The following SDK1 variants were observed in gnomAD, a reference collection of about 807,000 sequenced individuals.
SDK1 encodes the protein sidekick cell adhesion molecule 1, also known as protein sidekick-1.
Under a neutral mutation model 245.5 loss-of-function variants are expected in SDK1, and 157 were observed. The ratio of observed to expected loss-of-function variants is 0.64; its 90% CI spans 0.56 to 0.73. SDK1 has a LOEUF of 0.73. SDK1 is among the 30% of genes least tolerant of loss of function. SDK1 has a pLI of 0.00. For missense variants in SDK1, 3,583 were observed against 3,002.3 expected, an observed-to-expected ratio of 1.19 and a Z score of -4.52; for synonymous variants, 1,647 against 1,278.5, an observed-to-expected ratio of 1.29 and a Z score of -6.15.
At position 3,529,969 on chromosome 7, in the gene SDK1, A is replaced by G. The variant is rs189838730; in HGVS notation, c.299-89111A>G. On this transcript the variant is annotated intron_variant, in intron 1 of 44. Coordinates refer to ENST00000404826, the MANE Select transcript of SDK1 (RefSeq NM_152744.4). ...AGAGGGACAGGCCTGAACTCTTACT[A>G]TTATGTGATAAGTACCTTTGTGGAT... 5.9e-4 allele frequency among the ~76,000 whole-genome samples: 90 copies of G among 152,294 alleles called. No homozygotes were observed. The East Asian group carries it at 7.0e-3, about 12-fold the overall frequency.
chr7:3,880,339 G>A (rs979052844), intron 5 of SDK1, among the ~76,000 whole-genome samples: 3 of 152,184 alleles, frequency 2.0e-5, no homozygotes, highest in Admixed American at 6.5e-5. Context: ...AGCTGCAGCA[G>A]GTCAACAGGT....
At chr7:3,380,561 A>G (rs1444095722) in intron 1 of SDK1, among the ~76,000 whole-genome samples, 1 of 152,242 alleles carries the variant, frequency 6.6e-6, no homozygotes, top group Non-Finnish European at 1.5e-5. Flanking sequence ...GATTGTATTA[A>G]GCTGCAAGTA....
chr7:3,982,790 A>G (rs1783516072), intron 13 of SDK1, among the ~76,000 whole-genome samples: 2 of 151,986 alleles, frequency 1.3e-5, no homozygotes, highest in Non-Finnish European at 2.9e-5. Flanking sequence ...CAGTGAGCTG[A>G]GATCGTGCCA....
intron 1 of SDK1, among the ~76,000 whole-genome samples, chr7:3,427,764 G>A (rs979805187): frequency 2.6e-5 from 4 of 152,048 alleles, no homozygotes; most frequent in Admixed American, 1.3e-4. Context: ...CCTCTGGGAC[G>A]TCTTTATTCT....
chr7:3,955,893 C>T (rs1223656969), intron 7 of SDK1, among the ~76,000 whole-genome samples: 1 of 152,108 alleles, frequency 6.6e-6, no homozygotes, highest in East Asian at 1.9e-4. Context: ...GGGAGGTCTC[C>T]CCACCTCCTC....
intron 5 of SDK1, among the ~76,000 whole-genome samples, chr7:3,858,543 A>G (rs1375179941): frequency 1.3e-5 from 2 of 152,152 alleles, no homozygotes; most frequent in African/African-American, 2.4e-5. Flanking sequence ...AAAATTTTCA[A>G]AAGGGTATTT....
intron 1 of SDK1, among the ~76,000 whole-genome samples, chr7:3,303,577 T>TACGG (rs1554255341): frequency 6.6e-6 from 1 of 151,662 alleles, no homozygotes; most frequent in Non-Finnish European, 1.5e-5. Context: ...CGAACTTTGT[T>TACGG]AGGAATATTT....
intron 44 of SDK1, among the ~76,000 whole-genome samples, chr7:4,259,846 C>T (rs747576166): frequency 4.6e-5 from 7 of 152,178 alleles, no homozygotes; most frequent in Non-Finnish European, 7.3e-5. Flanking sequence ...ACAGGATCTG[C>T]GGAGGTGGGT....
intron 1 of SDK1, among the ~76,000 whole-genome samples, chr7:3,435,875 CAGTGATCATTTGTT>C (rs1197364533): frequency 2.6e-5 from 4 of 152,184 alleles, no homozygotes; most frequent in Non-Finnish European, 4.4e-5. Flanking sequence ...CTAACCTCTC[CAGTGATCATTTGTT>C]AACAAGATTG....
intron 4 of SDK1, among the ~76,000 whole-genome samples, chr7:3,651,842 A>T (rs1783023084): frequency 6.6e-6 from 1 of 152,206 alleles, no homozygotes; most frequent in Non-Finnish European, 1.5e-5. Flanking sequence ...AATAGAGAAC[A>T]GAGGGGAATG....
chr7:3,620,830 T>C (rs1480340829), intron 2 of SDK1, among the ~76,000 whole-genome samples: 4 of 151,996 alleles, frequency 2.6e-5, no homozygotes, highest in Admixed American at 2.6e-4. Context: ...CCATTCCCAT[T>C]ACCCACCCAC....
At chr7:3,342,253 A>T (rs916128022) in intron 1 of SDK1, among the ~76,000 whole-genome samples, 1 of 152,208 alleles carries the variant, frequency 6.6e-6, no homozygotes, top group African/African-American at 2.4e-5. Context: ...CTCAAAATAG[A>T]TTATGGACAT....
At chr7:3,936,227 T>C (rs1187793740) in intron 5 of SDK1, among the ~76,000 whole-genome samples, 4 of 151,938 alleles carry the variant, frequency 2.6e-5, no homozygotes, top group Non-Finnish European at 4.4e-5. Flanking sequence ...TGCCAGGGGC[T>C]GGGGAGGAGG....
Position 3,644,797 on chromosome 7 carries a change from A to AAAAAAAAAAAC in SDK1, c.713+2694_713+2695insAAAAAAAACAA, listed in dbSNP as rs1554301839. ...CCAAAAAAAAAAAAAAAAAAACAAA[A>AAAAAAAAAAAC]AACAACAACAACGGCGGGGCAGGGG... is the stretch of plus-strand genomic sequence containing the variant. On this transcript the variant is annotated intron_variant, in intron 4 of 44. Transcript: ENST00000404826. Among the ~76,000 whole-genome samples, 24 of 131,552 alleles carry AAAAAAAAAAAC rather than the reference A, an allele frequency of 1.8e-4. 1 individual carries two copies. The highest frequency in any genetic ancestry group is 2.7e-4 in the South Asian group (1 of 3,654). 86.3% of individuals were successfully genotyped at this position (131,552 alleles called of 152,430 possible). A position where few individuals can be genotyped will look rare whatever the true frequency, so the allele number is the denominator to read the frequency against.
chr7:4,198,776 G>A (rs908583058), intron 35 of SDK1, among the ~76,000 whole-genome samples: 3 of 151,552 alleles, frequency 2.0e-5, no homozygotes, highest in East Asian at 1.9e-4. Flanking sequence ...TTAACCCCTC[G>A]AAGCCTCAGC....
chr7:3,472,700 T>C (rs1781221546), intron 1 of SDK1, among the ~76,000 whole-genome samples: 1 of 152,164 alleles, frequency 6.6e-6, no homozygotes, highest in African/African-American at 2.4e-5. Context: ...CTTTCAAAAT[T>C]TAGAACTTTA....
intron 5 of SDK1, among the ~76,000 whole-genome samples, chr7:3,833,402 A>C (rs1779957477): frequency 6.6e-6 from 1 of 152,188 alleles, no homozygotes; most frequent in Admixed American, 6.5e-5. Context: ...CTATTAATTC[A>C]GACAGGGTTG....
At chr7:4,039,909 C>T (rs1583910350) in intron 17 of SDK1, among the ~76,000 whole-genome samples, 1 of 136,560 alleles carries the variant, frequency 7.3e-6, no homozygotes, top group South Asian at 2.3e-4. Context: ...TAATTATAAA[C>T]ATAATCATAC....
At chr7:4,069,426 C>T (rs2128173874) in intron 20 of SDK1, among the ~76,000 whole-genome samples, 1 of 152,350 alleles carries the variant, frequency 6.6e-6, no homozygotes, top group South Asian at 2.1e-4. Flanking sequence ...ATCTCATGTC[C>T]CGGCAGGGGC....
Sources: gnomAD v4.1 joint callset for allele counts (sites outside exome capture counted in the v4.1 genomes callset) on GRCh38, gnomAD v4.1.1 for gene constraint, MANE v1.5 for transcripts, NCBI Gene and HGNC (gene_info 2026-07-23, HGNC 2026-07-21) for gene names.